The following MBNL2 variants were observed in gnomAD, a reference collection of about 807,000 sequenced individuals.
MBNL2 encodes muscleblind like splicing regulator 2, also known as muscleblind-like protein 2.
Under a neutral mutation model 41.9 loss-of-function variants are expected in MBNL2, and 17 were observed. That is an observed-to-expected ratio of 0.41 (90% CI 0.28 to 0.61). The LOEUF (loss-of-function observed/expected upper bound fraction) is 0.61, where lower values mean the gene tolerates loss of function less well. Ranked by LOEUF, MBNL2 falls within the 20% of genes least tolerant of loss-of-function variation. The pLI, the probability that MBNL2 is intolerant of heterozygous loss-of-function variation, is 0.35. For synonymous variants in MBNL2, 195 were observed against 182.9 expected, an observed-to-expected ratio of 1.07 and a Z score of -0.53; for missense variants, 336 against 505.6, an observed-to-expected ratio of 0.66 and a Z score of 3.22.
chr13:97,235,086 G>A (rs1281016856), intron 1 of MBNL2, among the ~76,000 whole-genome samples: 1 of 152,166 alleles, frequency 6.6e-6, no homozygotes, highest in Non-Finnish European at 1.5e-5. Context: ...GAGGGGTGTT[G>A]AACCATTTCT....
At chr13:97,279,784 G>T (rs370587850) in intron 2 of MBNL2, among the ~76,000 whole-genome samples, 6 of 152,060 alleles carry the variant, frequency 3.9e-5, no homozygotes, top group Non-Finnish European at 7.4e-5. Flanking sequence ...AAACTTTTCC[G>T]TAAGTATGTA....
intron 2 of MBNL2, among the ~76,000 whole-genome samples, chr13:97,309,577 T>C (rs2058404939): frequency 6.6e-6 from 1 of 152,172 alleles, no homozygotes; most frequent in Admixed American, 6.5e-5. Context: ...CACACCTTGA[T>C]CTTGGACTTC....
At chr13:97,241,380 C>A (rs2044244748) in intron 1 of MBNL2, among the ~76,000 whole-genome samples, 1 of 152,060 alleles carries the variant, frequency 6.6e-6, no homozygotes, top group Admixed American at 6.6e-5. Flanking sequence ...GAAATAAGAA[C>A]AGAAACGTGA....
At chr13:97,192,075 T>C in the MBNL2 span, among the ~76,000 whole-genome samples, 1 of 152,192 alleles carries the variant, frequency 6.6e-6, no homozygotes, top group Non-Finnish European at 1.5e-5. Flanking sequence ...ACCCCAGGCC[T>C]GTTACTGTGG....
chr13:97,301,136 C>T (rs568796810), intron 2 of MBNL2, among the ~76,000 whole-genome samples: 3 of 152,284 alleles, frequency 2.0e-5, no homozygotes, highest in East Asian at 3.9e-4. Context: ...TGGAATTGTA[C>T]CTCCAGGCAT....
At chr13:97,211,870 T>C in the MBNL2 span, among the ~76,000 whole-genome samples, 2 of 152,228 alleles carry the variant, frequency 1.3e-5, no homozygotes, top group South Asian at 4.1e-4. Flanking sequence ...AGTTTGAAAT[T>C]TTAATTTATC....
the MBNL2 span, among the ~76,000 whole-genome samples, chr13:97,167,228 A>G: frequency 6.6e-6 from 1 of 152,226 alleles, no homozygotes; most frequent in Non-Finnish European, 1.5e-5. Flanking sequence ...CCAAAATAGC[A>G]AAATAAATTA....
At chr13:97,343,952 A>T (rs970137338) in intron 4 of MBNL2, among the ~76,000 whole-genome samples, 1 of 152,088 alleles carries the variant, frequency 6.6e-6, no homozygotes, top group Non-Finnish European at 1.5e-5. Context: ...GATTATAGGC[A>T]TGCGCCACCA....
intron 8 of MBNL2, among the ~76,000 whole-genome samples, chr13:97,373,487 A>C (rs755469866): frequency 1.8e-4 from 28 of 151,876 alleles, no homozygotes; most frequent in Non-Finnish European, 8.8e-5. Flanking sequence ...AACTATAAAA[A>C]TTGCAGCATT....
chr13:97,209,426 C>G, the MBNL2 span, among the ~76,000 whole-genome samples: 2 of 152,192 alleles, frequency 1.3e-5, no homozygotes, highest in Non-Finnish European at 2.9e-5. Context: ...CTCAACTTCT[C>G]TACTTGTAAA....
At chr13:97,383,533 G>T (rs983026897) in intron 8 of MBNL2, among the ~76,000 whole-genome samples, 34 of 152,274 alleles carry the variant, frequency 2.2e-4, no homozygotes, top group African/African-American at 7.9e-4. Flanking sequence ...GGACAGAAAT[G>T]AGTCATCCAC....
the MBNL2 span, among the ~76,000 whole-genome samples, chr13:97,208,011 G>C: frequency 8.5e-5 from 13 of 152,226 alleles, no homozygotes; most frequent in Non-Finnish European, 1.8e-4. Flanking sequence ...GCTGATGCAA[G>C]GGGGTGAGTT....
At chr13:97,386,100 A>C (rs2065900926) in intron 8 of MBNL2, among the ~76,000 whole-genome samples, 1 of 152,194 alleles carries the variant, frequency 6.6e-6, no homozygotes, top group South Asian at 2.1e-4. Context: ...CTTGTTGGTC[A>C]CATACTCTCT....
At position 97,361,775 on chromosome 13, in the gene MBNL2, T is replaced by C. The variant is rs1267979003; in HGVS notation, c.1013-3361T>C. Among the ~76,000 whole-genome samples, 4 of 134,970 alleles carry C rather than the reference T, an allele frequency of 3.0e-5. No individual in the cohort carries two copies. In the Admixed American group the frequency reaches 3.0e-4, roughly 10 times the overall value. The allele number at this position is 134,970 out of a possible 152,430, so 88.5% of individuals were successfully genotyped here. On this transcript the variant is annotated intron_variant, in intron 7 of 8. Transcript: ENST00000679496. ...TAGGCGTAATTTTTTTTTTTTTTTT[T>C]TTTTTTTTTTTTGAGACAGAGTCTC...
At chr13:97,308,468 A>G (rs907660450) in intron 2 of MBNL2, among the ~76,000 whole-genome samples, 1 of 152,178 alleles carries the variant, frequency 6.6e-6, no homozygotes, top group African/African-American at 2.4e-5. Flanking sequence ...AATGAGCTTC[A>G]TGGAATTTTC....
chr13:97,217,936 G>A (rs2040511012), upstream of MBNL2, among the ~76,000 whole-genome samples: 5 of 152,132 alleles, frequency 3.3e-5, no homozygotes, highest in Admixed American at 3.3e-4. Context: ...CACAGGGTGT[G>A]GGACCATTTG....
At chr13:97,209,193 G>A in the MBNL2 span, among the ~76,000 whole-genome samples, 1 of 152,118 alleles carries the variant, frequency 6.6e-6, no homozygotes, top group East Asian at 1.9e-4. Context: ...CGAGGATAAT[G>A]TCACCCATTA....
the MBNL2 span, among the ~76,000 whole-genome samples, chr13:97,190,509 T>A: frequency 6.6e-6 from 1 of 151,986 alleles, no homozygotes; most frequent in African/African-American, 2.4e-5. Context: ...TTATTACAGA[T>A]CAGATATTTA....
At chr13:97,363,496 G>T (rs902129561) in intron 7 of MBNL2, among the ~76,000 whole-genome samples, 2 of 150,822 alleles carry the variant, frequency 1.3e-5, no homozygotes, top group Admixed American at 1.3e-4. Flanking sequence ...AGTGGCTTCC[G>T]ATGGAGGGAA....
Sources: allele counts gnomAD v4.1 joint callset (sites outside exome capture counted in the v4.1 genomes callset), GRCh38; gene constraint gnomAD v4.1.1; transcripts MANE v1.5; gene names NCBI Gene and HGNC (gene_info 2026-07-23, HGNC 2026-07-21).